SCFD1: variants seen among roughly 807,000 people sequenced by gnomAD.
SCFD1 encodes the protein sec1 family domain containing 1.
SCFD1 carries 37 observed loss-of-function variants against 103.2 expected under a neutral mutation model. That is an observed-to-expected ratio of 0.36 (90% CI 0.28 to 0.47). SCFD1 has a LOEUF of 0.47. Among genes scored for constraint, SCFD1 ranks in the 20% least tolerant of loss-of-function variants. The pLI, the probability that SCFD1 is intolerant of heterozygous loss-of-function variation, is 1.00. For synonymous variants in SCFD1, 264 were observed against 245.0 expected, an observed-to-expected ratio of 1.08 and a Z score of -0.73; for missense variants, 639 against 761.2, an observed-to-expected ratio of 0.84 and a Z score of 1.89.
At chr14:30,668,189 A>G (rs1888194650) in intron 10 of SCFD1, among the ~76,000 whole-genome samples, 1 of 152,240 alleles carries the variant, frequency 6.6e-6, no homozygotes. Flanking sequence ...TGGTACTGGT[A>G]CCAAAACAGA....
intron 14 of SCFD1, among the ~76,000 whole-genome samples, chr14:30,690,818 G>A (rs1276889167): frequency 5.3e-5 from 8 of 152,210 alleles, no homozygotes; most frequent in Admixed American, 2.6e-4. Flanking sequence ...TTCCTATTCG[G>A]CCATCTTGGC....
intron 16 of SCFD1, 104 bp downstream of exon 16, chr14:30,700,362 T>A: frequency 1.2e-6 from 1 of 807,900 alleles, no homozygotes; most frequent in Non-Finnish European, 2.1e-6. Context: ...GCTAAATATC[T>A]GCTTCATTTC....
At chr14:30,672,837 G>A (rs1344330861) in intron 11 of SCFD1, among the ~76,000 whole-genome samples, 2 of 152,138 alleles carry the variant, frequency 1.3e-5, no homozygotes, top group East Asian at 3.8e-4. Context: ...TTTAAATGCT[G>A]TCTTTGTAGT....
intron 18 of SCFD1, 137 bp downstream of exon 18, chr14:30,706,022 G>T: frequency 1.7e-6 from 1 of 578,604 alleles, no homozygotes; most frequent in Non-Finnish European, 3.0e-6. Flanking sequence ...GATGGCTGAA[G>T]TTCTCCTGGT....
intron 17 of SCFD1, among the ~76,000 whole-genome samples, chr14:30,704,501 A>G (rs1891334433): frequency 6.6e-6 from 1 of 152,152 alleles, no homozygotes; most frequent in Non-Finnish European, 1.5e-5. Flanking sequence ...TTGTTTAGAT[A>G]TTGTTTCTAG....
chr14:30,661,230 T>C (rs961372500), intron 10 of SCFD1, among the ~76,000 whole-genome samples: 8 of 152,188 alleles, frequency 5.3e-5, no homozygotes, highest in African/African-American at 1.9e-4. Context: ...TGTTTCTTCC[T>C]AACAAACATG....
chr14:30,650,623 G>C lies in SCFD1; in HGVS notation c.728G>C (p.Gly243Ala). 6.2e-7 allele frequency: 1 copy of C among 1,608,220 alleles called. No individual in the cohort carries two copies. Among genetic ancestry groups the C allele is most frequent in the Non-Finnish European group, 8.5e-7 (1 of 1,175,224 alleles). The change falls in exon 9 of 25, where the codon GGT becomes GCT. Residue 243 changes from glycine (G) to alanine (A), a missense_variant. Physicochemically the swap from Gly to Ala is moderately conservative, Grantham distance 60. Transcript: ENST00000458591. ...GATGCAAGAAACAGTCTTTTTACAG[G>C]TGATACACTTGGAGCTGGCCAATTC... ...LRDARNSLFT[G>A]DTLGAGQFSF...
intron 15 of SCFD1, among the ~76,000 whole-genome samples, chr14:30,697,825 A>G (rs1890800233): frequency 6.6e-6 from 1 of 152,228 alleles, no homozygotes; most frequent in South Asian, 2.1e-4. Flanking sequence ...GGAAAAATGG[A>G]GGAACTGTTT....
intron 10 of SCFD1, among the ~76,000 whole-genome samples, chr14:30,663,720 A>G (rs1199551604): frequency 2.0e-5 from 3 of 152,212 alleles, no homozygotes; most frequent in Non-Finnish European, 2.9e-5. Context: ...TCTCACTGTG[A>G]TACAACTAAA....
At chr14:30,688,905 G>T (rs1890046863) in intron 14 of SCFD1, among the ~76,000 whole-genome samples, 1 of 92,914 alleles carries the variant, frequency 1.1e-5, no homozygotes, top group Non-Finnish European at 1.8e-5. Flanking sequence ...TTTCTTCCTA[G>T]TCTCGATGGT....
intron 8 of SCFD1, 66 bp downstream of exon 8, chr14:30,649,649 G>A (rs377242339): frequency 9.2e-6 from 11 of 1,190,772 alleles, no homozygotes; most frequent in Admixed American, 2.4e-5. Flanking sequence ...CACAAGTAAC[G>A]CAACTGTTTT....
intron 10 of SCFD1, among the ~76,000 whole-genome samples, chr14:30,667,727 T>C (rs574979981): frequency 6.6e-6 from 1 of 152,310 alleles, no homozygotes; most frequent in South Asian, 2.1e-4. Flanking sequence ...ACAAAATCAA[T>C]GTGCAAAAAT....
chr14:30,657,342 T>G (rs962698076), intron 10 of SCFD1, among the ~76,000 whole-genome samples: 1 of 152,178 alleles, frequency 6.6e-6, no homozygotes, highest in African/African-American at 2.4e-5. Context: ...GGGCAGAGAT[T>G]CCCTAAAACC....
chr14:30,630,792 A>G (rs1465438034), intron 3 of SCFD1: 1 of 435,650 alleles, frequency 2.3e-6, no homozygotes, highest in African/African-American at 2.0e-5. Context: ...TTTACCCTCT[A>G]TGTAAAGGAA....
chr14:30,673,006 A>C (rs1888696263), intron 11 of SCFD1, among the ~76,000 whole-genome samples: 1 of 152,176 alleles, frequency 6.6e-6, no homozygotes, highest in South Asian at 2.1e-4. Context: ...ACTGTTAATG[A>C]AAAATAGAAA....
At chr14:30,633,415 G>T (rs1228499637) in intron 3 of SCFD1, among the ~76,000 whole-genome samples, 1 of 152,122 alleles carries the variant, frequency 6.6e-6, no homozygotes, top group Admixed American at 6.5e-5. Flanking sequence ...GACAAAAATA[G>T]ATTGTCTTTA....
intron 10 of SCFD1, among the ~76,000 whole-genome samples, chr14:30,668,627 A>G (rs890080464): frequency 6.6e-6 from 1 of 152,218 alleles, no homozygotes; most frequent in African/African-American, 2.4e-5. Flanking sequence ...ACAGAATGGG[A>G]GAAAATTTTT....
In SCFD1 at chr14:30,629,255, C is replaced by T. The variant is rs191080033; in HGVS notation, c.132+976C>T. Among the ~76,000 whole-genome samples the T allele has an allele frequency of 1.9e-3, 290 of 152,224 alleles. 1 individual carries two copies. The highest frequency in any genetic ancestry group is 3.1e-3 in the Non-Finnish European group (212 of 68,004). On this transcript the variant is annotated intron_variant, in intron 2 of 24. Coordinates refer to ENST00000458591, the MANE Select transcript of SCFD1 (RefSeq NM_016106.4). ...GAGGGAAGATTTTTGAAAGATGCAA[C>T]GTGAACCTTTTATAACTAGAGCAGA...
chr14:30,735,775 TA>T lies in SCFD1; in HGVS notation c.*170del. On this transcript the variant is annotated 3_prime_UTR_variant, in exon 25 of 25. Coordinates refer to ENST00000458591, the MANE Select transcript of SCFD1 (RefSeq NM_016106.4). ...AATTATATACTTAATATGTATTGAT[TA>T]AAAGAAACATTTCAGAAATAAAATT... is the stretch of plus-strand genomic sequence containing the variant. The T allele has an allele frequency of 2.1e-6, 1 of 474,656 alleles. No homozygotes were observed. Among genetic ancestry groups the T allele is most frequent in the East Asian group, 3.5e-5 (1 of 28,206 alleles). The allele number at this position is 474,656 out of a possible 1,614,324, so 29.4% of individuals were successfully genotyped here.
Sources: allele counts gnomAD v4.1 joint callset (sites outside exome capture counted in the v4.1 genomes callset), GRCh38; gene constraint gnomAD v4.1.1; transcripts MANE v1.5; gene names NCBI Gene and HGNC (gene_info 2026-07-23, HGNC 2026-07-21).